The following EIF2AK4 variants were observed in gnomAD, a reference collection of about 807,000 sequenced individuals.
The protein encoded by EIF2AK4 is eukaryotic translation initiation factor 2 alpha kinase 4, also known as eIF-2-alpha kinase GCN2.
Under a neutral mutation model 211.1 loss-of-function variants are expected in EIF2AK4, and 139 were observed. The ratio of observed to expected loss-of-function variants is 0.66; its 90% CI spans 0.57 to 0.76. The LOEUF is 0.76. EIF2AK4 is among the 30% of genes least tolerant of loss of function. The pLI is 0.00. For missense variants in EIF2AK4, 1,664 were observed against 2,043.8 expected (o/e 0.81, Z 3.58); for synonymous variants, 710 against 751.3 (o/e 0.94, Z 0.90).
chr15:39,972,743 T>C (rs2034642275), intron 9 of EIF2AK4, among the ~76,000 whole-genome samples, 165 bp from the exon 10 acceptor site: 1 of 152,238 alleles, frequency 6.6e-6, no homozygotes. Context: ...CCTGCAGGAA[T>C]GTTTATTAAT....
intron 5 of EIF2AK4, 65 bp from the exon 6 acceptor site, chr15:39,955,555 A>T: frequency 6.7e-7 from 1 of 1,499,962 alleles, no homozygotes; most frequent in Non-Finnish European, 9.0e-7. Context: ...ATTAATAATT[A>T]TGTACCATGA....
chr15:40,022,707 G>T (rs1018248152), intron 32 of EIF2AK4, 102 bp downstream of exon 32: 33 of 964,312 alleles, frequency 3.4e-5, no homozygotes, highest in Middle Eastern at 2.1e-4. Flanking sequence ...CTGGAAATCC[G>T]TTCCCTCTAC....
chr15:39,996,733 G>C (rs970993548), intron 18 of EIF2AK4, among the ~76,000 whole-genome samples: 1 of 152,024 alleles, frequency 6.6e-6, no homozygotes, highest in South Asian at 2.1e-4. Flanking sequence ...AAATTTCTAG[G>C]AAAATGTTTA....
chr15:40,009,788 A>G, intron 26 of EIF2AK4, 58 bp downstream of exon 26: 1 of 1,193,226 alleles, frequency 8.4e-7, no homozygotes, highest in South Asian at 1.3e-5. Flanking sequence ...GAAAGATAAT[A>G]ATAATAGTTC....
chr15:39,947,549 T>G (rs1408798835), intron 3 of EIF2AK4, among the ~76,000 whole-genome samples: 1 of 152,230 alleles, frequency 6.6e-6, no homozygotes, highest in Non-Finnish European at 1.5e-5. Context: ...ATGTGTCAAG[T>G]GCTATTCCAG....
chr15:40,031,015 G>A (rs186978485), intron 35 of EIF2AK4, among the ~76,000 whole-genome samples: 134 of 152,288 alleles, frequency 8.8e-4, no homozygotes, highest in African/African-American at 3.1e-3. Context: ...CGAGGAGGGC[G>A]GATCACTTGA....
At chr15:40,023,012 C>T (rs1238180315) in intron 32 of EIF2AK4, among the ~76,000 whole-genome samples, 1 of 152,154 alleles carries the variant, frequency 6.6e-6, no homozygotes, top group South Asian at 2.1e-4. Flanking sequence ...CAGGGGTCAG[C>T]CACCGCGCCC....
intron 26 of EIF2AK4, among the ~76,000 whole-genome samples, chr15:40,010,781 C>G (rs1445454926): frequency 6.6e-6 from 1 of 152,170 alleles, no homozygotes; most frequent in Admixed American, 6.5e-5. Flanking sequence ...TCTTTACTCC[C>G]CCTAAAGCTC....
At chr15:40,000,081 A>G (rs1274136917) in intron 20 of EIF2AK4, among the ~76,000 whole-genome samples, 2 of 152,240 alleles carry the variant, frequency 1.3e-5, no homozygotes, top group African/African-American at 2.4e-5. Context: ...GAATGAGCAT[A>G]GCATAATTTT....
At chr15:39,987,327 T>C (rs1315184437) in intron 14 of EIF2AK4, among the ~76,000 whole-genome samples, 1 of 152,206 alleles carries the variant, frequency 6.6e-6, no homozygotes, top group Non-Finnish European at 1.5e-5. Context: ...TAGAACAAAG[T>C]CTGGTCTTCC....
At chr15:39,957,795 T>C (rs2034411841) in intron 6 of EIF2AK4, among the ~76,000 whole-genome samples, 1 of 152,196 alleles carries the variant, frequency 6.6e-6, no homozygotes, top group Non-Finnish European at 1.5e-5. Flanking sequence ...TTCTGGTGTT[T>C]GTAGGGTCTA....
At chr15:39,945,931 AT>A (rs2034221700) in intron 3 of EIF2AK4, among the ~76,000 whole-genome samples, 2 of 152,314 alleles carry the variant, frequency 1.3e-5, no homozygotes, top group South Asian at 4.1e-4. Flanking sequence ...GTATTTTAAG[AT>A]CATTGTTGAG....
chr15:40,031,967 C>G (rs938819707), intron 35 of EIF2AK4, among the ~76,000 whole-genome samples: 2 of 152,194 alleles, frequency 1.3e-5, no homozygotes, highest in Non-Finnish European at 2.9e-5. Flanking sequence ...CTCAGGTGAT[C>G]CCCCAGCCTT....
intron 32 of EIF2AK4, among the ~76,000 whole-genome samples, chr15:40,023,205 A>G (rs1450065651): frequency 1.3e-5 from 2 of 152,240 alleles, no homozygotes. Context: ...ATCTGCTGAT[A>G]GGCATATCCT....
chr15:40,031,162 C>A (rs886541030), intron 35 of EIF2AK4, among the ~76,000 whole-genome samples: 4 of 152,166 alleles, frequency 2.6e-5, no homozygotes, highest in Non-Finnish European at 5.9e-5. Flanking sequence ...ATTGCTTGAA[C>A]TGGGGAGGCA....
chr15:39,997,790 G>T (rs1000558303), intron 19 of EIF2AK4, among the ~76,000 whole-genome samples: 1 of 152,176 alleles, frequency 6.6e-6, no homozygotes, highest in Non-Finnish European at 1.5e-5. Context: ...CATGTGCGAG[G>T]TCAGAGATGC....
chr15:40,020,014 A>C (rs1020414711), intron 30 of EIF2AK4, among the ~76,000 whole-genome samples: 3 of 151,994 alleles, frequency 2.0e-5, no homozygotes, highest in African/African-American at 7.3e-5. Flanking sequence ...TACAAAAATT[A>C]GCTGGGTGTG....
In EIF2AK4 at chr15:39,956,004, CTT is replaced by C. The variant is rs11320320; in HGVS notation, c.743+254_743+255del. On this transcript the variant is annotated intron_variant, in intron 6 of 38. Coordinates refer to ENST00000263791, the MANE Select transcript of EIF2AK4 (RefSeq NM_001013703.4). ...TGAATCTAGTTTTGTTGCTCATTCC[CTT>C]TTTTTTTTTTTTTTTTTGAGACGGT... 0.017 allele frequency among the ~76,000 whole-genome samples: 1,737 copies of C among 103,554 alleles called. 13 individuals are homozygous for C. The highest frequency in any genetic ancestry group is 0.054 in the African/African-American group (1,328 of 24,652). 67.9% of individuals were successfully genotyped at this position (103,554 alleles called of 152,430 possible).
rs546992158 is a variant in EIF2AK4 at position 39,950,569 on chromosome 15, C to T, written c.513+1301C>T. 2.0e-4 allele frequency among the ~76,000 whole-genome samples: 29 copies of T among 142,088 alleles called. 1 individual carries two copies. The South Asian group carries it at 4.6e-3, about 23-fold the overall frequency. 93.2% of individuals were successfully genotyped at this position (142,088 alleles called of 152,430 possible). ...TCGTGCCATTGCACTCCAGCCTGGGCGACAACTAGACTCTGTCTTCAAAAA... is the reference window on the plus strand; with the variant it reads ...TCGTGCCATTGCACTCCAGCCTGGGTGACAACTAGACTCTGTCTTCAAAAA... On this transcript the variant is annotated intron_variant, in intron 4 of 38. Transcript: ENST00000263791.
Sources: allele counts gnomAD v4.1 joint callset (sites outside exome capture counted in the v4.1 genomes callset), GRCh38; gene constraint gnomAD v4.1.1; transcripts MANE v1.5; gene names NCBI Gene and HGNC (gene_info 2026-07-23, HGNC 2026-07-21).